Variants in REEP1 observed in about 807,000 individuals in gnomAD.
REEP1 encodes the protein receptor accessory protein 1.
A neutral mutation model predicts 40.3 loss-of-function variants in REEP1; 22 were observed. That is an observed-to-expected ratio of 0.55 (90% confidence interval 0.39 to 0.78). REEP1 has a LOEUF of 0.78. Ranked by LOEUF, REEP1 falls within the 30% of genes least tolerant of loss-of-function variation. The pLI is 0.00. For missense variants in REEP1, 280 were observed against 361.1 expected (o/e 0.78, Z 1.82); for synonymous variants, 116 against 139.2 (o/e 0.83, Z 1.17).
chr2:86,241,581 AG>A (rs1415933205), intron 5 of REEP1, among the ~76,000 whole-genome samples: 3 of 152,180 alleles, frequency 2.0e-5, no homozygotes, highest in Non-Finnish European at 4.4e-5. Context: ...CAAAACAGCC[AG>A]GAAGTGTCAG....
Position 86,232,702 on chromosome 2 carries a change from G to A in REEP1, c.518C>T (p.Pro173Leu), listed in dbSNP as rs777245164. The A allele has an allele frequency of 8.4e-5, 135 of 1,611,318 alleles. No homozygotes were observed. Among genetic ancestry groups the A allele is most frequent in the African/African-American group, 1.1e-4 (8 of 75,066 alleles). The change falls in exon 6 of 9, where the codon CCG (proline) becomes CTG (leucine). Residue 173 changes from proline (P) to leucine (L), a missense_variant. Around this residue, in one of 3 missense-constraint regions of REEP1, gnomAD observed 201 missense variants for 238.5 expected, o/e 0.84. Coordinates refer to ENST00000538924, the MANE Select transcript of REEP1 (RefSeq NM_001371279.1). Reference sequence around the variant, plus strand: ...TTTGCCGCTGGCCCGCCCAGACCCCGGTGGTGGGGGGCCCGAGGGAGCAGG... The same window carrying A: ...TTTGCCGCTGGCCCGCCCAGACCCCAGTGGTGGGGGGCCCGAGGGAGCAGG... ...GAPAPSGPPP[P>L]GSGRASGKHG... is the part of the protein sequence containing the mutation.
At chr2:86,232,030 G>C (rs1415412116) in intron 6 of REEP1, among the ~76,000 whole-genome samples, 1 of 152,184 alleles carries the variant, frequency 6.6e-6, no homozygotes, top group Admixed American at 6.5e-5. Flanking sequence ...GGAGGCAGAG[G>C]TGTGGTTACT....
chr2:86,218,291 G>A (rs1381055902), intron 8 of REEP1, among the ~76,000 whole-genome samples: 1 of 152,190 alleles, frequency 6.6e-6, no homozygotes, highest in African/African-American at 2.4e-5. Flanking sequence ...GAGTGTGTGG[G>A]GGCCCTGCTC....
intron 5 of REEP1, among the ~76,000 whole-genome samples, chr2:86,244,746 G>C (rs1483286494): frequency 6.6e-6 from 1 of 152,230 alleles, no homozygotes; most frequent in Non-Finnish European, 1.5e-5. Context: ...AGGCAAAGGA[G>C]AACCCTGGAG....
chr2:86,268,102 T>A (rs72940115), intron 2 of REEP1, among the ~76,000 whole-genome samples: 10,209 of 152,208 alleles, frequency 0.067, 525 homozygotes, highest in African/African-American at 0.13. Context: ...AAGGGCAAAG[T>A]TATTCTCTTC....
chr2:86,219,021 C>A (rs948144420), intron 8 of REEP1, among the ~76,000 whole-genome samples: 6 of 152,180 alleles, frequency 3.9e-5, no homozygotes, highest in Non-Finnish European at 8.8e-5. Context: ...AGACTGGGGT[C>A]CCTGCACCTG....
intron 1 of REEP1, chr2:86,297,749 C>T (rs1679054924): frequency 1.0e-6 from 1 of 984,854 alleles, no homozygotes; most frequent in Non-Finnish European, 1.2e-6. Context: ...CCTACCTCCT[C>T]ATTCACTGGT....
chr2:86,325,257 A>C (rs560486533), intron 1 of REEP1, among the ~76,000 whole-genome samples: 2 of 152,192 alleles, frequency 1.3e-5, no homozygotes, highest in Non-Finnish European at 2.9e-5. Flanking sequence ...TTTAAAAAAA[A>C]TTTTAAAAAA....
chr2:86,317,174 C>T (rs1450317733), intron 1 of REEP1, among the ~76,000 whole-genome samples: 1 of 151,942 alleles, frequency 6.6e-6, no homozygotes, highest in Non-Finnish European at 1.5e-5. Context: ...CCGGACTCTT[C>T]AATAAATCGG....
chr2:86,307,361 G>A (rs559513090), intron 1 of REEP1, among the ~76,000 whole-genome samples: 2 of 152,242 alleles, frequency 1.3e-5, no homozygotes, highest in South Asian at 4.1e-4. Context: ...ATAGAGGCAT[G>A]GCTCTTACAT....
chr2:86,337,771 G>C (rs2104562487), upstream of REEP1: 1 of 795,320 alleles, frequency 1.3e-6, no homozygotes, highest in Admixed American at 5.0e-5. This position sits in a 1 kb window ranked among gnomAD's most constrained non-coding sequence, Gnocchi z 5.8. Context: ...CCGCGGGCCC[G>C]CCCCGTCCCG....
chr2:86,259,074 G>A (rs978350206), intron 3 of REEP1, among the ~76,000 whole-genome samples: 3 of 152,108 alleles, frequency 2.0e-5, no homozygotes, highest in Admixed American at 6.5e-5. Flanking sequence ...TTGGGAGGCC[G>A]AGGTGGGCGG....
At chr2:86,264,241 C>A (rs1272845292) in intron 2 of REEP1, among the ~76,000 whole-genome samples, 200 bp from the exon 3 acceptor site, 1 of 152,148 alleles carries the variant, frequency 6.6e-6, no homozygotes, top group African/African-American at 2.4e-5. Context: ...ATGGGCTGTT[C>A]CACAACTGAC....
intron 6 of REEP1, among the ~76,000 whole-genome samples, chr2:86,229,474 G>T (rs2104023817): frequency 1.3e-5 from 2 of 152,166 alleles, no homozygotes; most frequent in Middle Eastern, 6.8e-3. Context: ...GTATAAATTG[G>T]CTTCCTCTGC....
At chr2:86,267,573 C>T (rs1165249836) in intron 2 of REEP1, among the ~76,000 whole-genome samples, 1 of 151,570 alleles carries the variant, frequency 6.6e-6, no homozygotes, top group African/African-American at 2.4e-5. Context: ...TCCTAGCTAG[C>T]TATTTGGGAG....
intron 2 of REEP1, among the ~76,000 whole-genome samples, chr2:86,274,997 G>A (rs1330743041): frequency 6.6e-6 from 1 of 152,204 alleles, no homozygotes; most frequent in Non-Finnish European, 1.5e-5. Context: ...GGGCTGCAGA[G>A]GAGCAGGCTT....
chr2:86,254,559 C>T (rs571921361), intron 4 of REEP1, 135 bp downstream of exon 4: 4 of 858,050 alleles, frequency 4.7e-6, no homozygotes, highest in African/African-American at 1.7e-5. Context: ...TTAAAAAAAA[C>T]GATTAGGAGG....
chr2:86,249,810 C>T (rs879760924), intron 5 of REEP1, among the ~76,000 whole-genome samples: 8 of 151,918 alleles, frequency 5.3e-5, no homozygotes, highest in Non-Finnish European at 8.8e-5. Context: ...TTTAAGTACA[C>T]ATCTGTTTCA....
At chr2:86,258,528 C>A (rs552454634) in intron 3 of REEP1, among the ~76,000 whole-genome samples, 1 of 152,074 alleles carries the variant, frequency 6.6e-6, no homozygotes, top group African/African-American at 2.4e-5. Flanking sequence ...AGTGTAGGGG[C>A]GTGGGATGGA....
Sources: gnomAD v4.1 joint callset for allele counts (sites outside exome capture counted in the v4.1 genomes callset) on GRCh38, gnomAD v4.1.1 for gene constraint, gnomAD v4.1.1 regional missense constraint, Gnocchi (gnomAD v3.1) non-coding constraint, MANE v1.5 for transcripts, NCBI Gene and HGNC (gene_info 2026-07-23, HGNC 2026-07-21) for gene names.